Variants in EEFSEC observed in about 807,000 individuals in gnomAD.
The protein encoded by EEFSEC is selenocysteine-specific elongation factor.
A neutral mutation model predicts 42.1 loss-of-function variants in EEFSEC; 43 were observed. The observed-to-expected ratio is 1.02, with a 90% confidence interval of 0.80 to 1.32. The LOEUF (loss-of-function observed/expected upper bound fraction) is 1.32. Ranked by LOEUF, EEFSEC falls within the 40% of genes most tolerant of loss-of-function variation. EEFSEC has a pLI of 0.00. For missense variants in EEFSEC, 745 were observed against 803.6 expected (o/e 0.93, Z 0.88); for synonymous variants, 354 against 339.1 (o/e 1.04, Z -0.48).
chr3:128,305,427 C>T (rs2066816010), intron 4 of EEFSEC, among the ~76,000 whole-genome samples: 1 of 152,130 alleles, frequency 6.6e-6, no homozygotes, highest in Non-Finnish European at 1.5e-5. Context: ...TCTTTTTAAA[C>T]AGTTAAAATA....
Position 128,316,892 on chromosome 3 carries a change from C to A in EEFSEC, c.787-24341C>A, listed in dbSNP as rs545283401. On this transcript the variant is annotated intron_variant, in intron 4 of 6. Coordinates refer to ENST00000254730, the MANE Select transcript of EEFSEC (RefSeq NM_021937.5). ...GTTAAATTTATAATCCCAGCCCCGACCTTCCTTGTAACTCATGTGCTCATC... is the reference window on the plus strand; with the variant it reads ...GTTAAATTTATAATCCCAGCCCCGAACTTCCTTGTAACTCATGTGCTCATC... Among the ~76,000 whole-genome samples, 7 of 152,338 alleles carry A rather than the reference C, an allele frequency of 4.6e-5. No individual in the cohort carries two copies. The South Asian group carries it at 1.4e-3, about 32-fold the overall frequency.
At chr3:128,190,865 C>T (rs2065516516) in intron 1 of EEFSEC, among the ~76,000 whole-genome samples, 2 of 152,236 alleles carry the variant, frequency 1.3e-5, no homozygotes, top group Admixed American at 1.3e-4. Context: ...CACTGGGTTA[C>T]AATTGCCTGC....
chr3:128,383,571 G>T (rs983632674), intron 6 of EEFSEC, among the ~76,000 whole-genome samples: 2 of 152,236 alleles, frequency 1.3e-5, no homozygotes, highest in African/African-American at 2.4e-5. Context: ...GATCTTGGTG[G>T]TCTGGGTATA....
intron 6 of EEFSEC, among the ~76,000 whole-genome samples, chr3:128,359,065 A>T (rs974202711): frequency 2.6e-5 from 4 of 152,220 alleles, no homozygotes; most frequent in Non-Finnish European, 5.9e-5. Flanking sequence ...TCCCTGTCAG[A>T]TGGGAGTAGG....
At chr3:128,184,953 T>A (rs981079513) in intron 1 of EEFSEC, among the ~76,000 whole-genome samples, 1 of 152,176 alleles carries the variant, frequency 6.6e-6, no homozygotes, top group African/African-American at 2.4e-5. Context: ...AGAGATTGTT[T>A]GAGCCCAGGA....
At chr3:128,202,217 C>CA (rs1027095280) in intron 1 of EEFSEC, among the ~76,000 whole-genome samples, 2 of 151,668 alleles carry the variant, frequency 1.3e-5, no homozygotes, top group Non-Finnish European at 2.9e-5. Context: ...TCAATTTCTA[C>CA]AAAAAAAATA....
At chr3:128,380,418 C>T (rs1282049662) in intron 6 of EEFSEC, among the ~76,000 whole-genome samples, 3 of 152,204 alleles carry the variant, frequency 2.0e-5, no homozygotes, top group Non-Finnish European at 2.9e-5. Flanking sequence ...TTGTCACATC[C>T]TTCAATCTCT....
At chr3:128,400,740 C>T (rs1403680280) in intron 6 of EEFSEC, among the ~76,000 whole-genome samples, 1 of 152,252 alleles carries the variant, frequency 6.6e-6, no homozygotes, top group Non-Finnish European at 1.5e-5. Context: ...CAATTGGAGG[C>T]AATTTGCCGG....
At chr3:128,208,248 G>A (rs913543642) in intron 1 of EEFSEC, among the ~76,000 whole-genome samples, 1 of 152,204 alleles carries the variant, frequency 6.6e-6, no homozygotes, top group Admixed American at 6.5e-5. Context: ...GGTCCTGTTA[G>A]CACACTAAGA....
intron 4 of EEFSEC, among the ~76,000 whole-genome samples, chr3:128,296,714 AC>A (rs1205604478): frequency 1.3e-5 from 2 of 152,128 alleles, no homozygotes; most frequent in Non-Finnish European, 1.5e-5. Flanking sequence ...TGTGACTACC[AC>A]TGTGACCTTG....
At chr3:128,333,002 C>T (rs2067151038) in intron 4 of EEFSEC, among the ~76,000 whole-genome samples, 1 of 152,218 alleles carries the variant, frequency 6.6e-6, no homozygotes. Context: ...GCCTGAACCT[C>T]TTTGAATTGA....
chr3:128,321,984 G>A (rs1032754891), intron 4 of EEFSEC, among the ~76,000 whole-genome samples: 4 of 152,178 alleles, frequency 2.6e-5, no homozygotes, highest in African/African-American at 9.7e-5. Flanking sequence ...GGGCCAGCGT[G>A]GGGGAGCAGC....
At chr3:128,363,342 CA>C (rs2067551404) in intron 6 of EEFSEC, among the ~76,000 whole-genome samples, 1 of 152,250 alleles carries the variant, frequency 6.6e-6, no homozygotes, top group African/African-American at 2.4e-5. Context: ...GCAAAGGTAG[CA>C]AACATCCACA....
chr3:128,324,518 C>G (rs2108044275), intron 4 of EEFSEC, among the ~76,000 whole-genome samples: 1 of 152,294 alleles, frequency 6.6e-6, no homozygotes, highest in South Asian at 2.1e-4. Flanking sequence ...CAATGAATGC[C>G]TTACTCCATG....
the EEFSEC span, among the ~76,000 whole-genome samples, chr3:128,421,935 C>A: frequency 2.0e-5 from 3 of 152,198 alleles, no homozygotes; most frequent in South Asian, 6.2e-4. Flanking sequence ...CCTCCGCACT[C>A]CCCCGGCCGA....
chr3:128,349,153 G>A (rs1015107164), intron 5 of EEFSEC, among the ~76,000 whole-genome samples: 1 of 152,200 alleles, frequency 6.6e-6, no homozygotes, highest in South Asian at 2.1e-4. Context: ...GCCTGGCCCT[G>A]GGCATCTGGG....
chr3:128,360,666 G>A (rs868671177), intron 6 of EEFSEC, among the ~76,000 whole-genome samples: 2 of 150,804 alleles, frequency 1.3e-5, no homozygotes, highest in African/African-American at 2.4e-5. Context: ...GTGCTGGGGC[G>A]GGAGTGGAGG....
chr3:128,185,718 C>T (rs575222993), intron 1 of EEFSEC, among the ~76,000 whole-genome samples: 40 of 152,310 alleles, frequency 2.6e-4, no homozygotes, highest in South Asian at 1.0e-3. Context: ...TTAGCTACCA[C>T]GCCTGGCCAG....
At chr3:128,414,145 G>C in the EEFSEC span, among the ~76,000 whole-genome samples, 1 of 152,208 alleles carries the variant, frequency 6.6e-6, no homozygotes, top group Non-Finnish European at 1.5e-5. Context: ...ATGCCCTGAG[G>C]CTTGGGGCCC....
Sources: gnomAD v4.1 joint callset for allele counts (sites outside exome capture counted in the v4.1 genomes callset) on GRCh38, gnomAD v4.1.1 for gene constraint, MANE v1.5 for transcripts, NCBI Gene and HGNC (gene_info 2026-07-23, HGNC 2026-07-21) for gene names.